C1orf167: variants seen among roughly 807,000 people sequenced by gnomAD.
C1orf167 encodes the protein uncharacterized protein C1orf167.
Under a neutral mutation model 176.5 loss-of-function variants are expected in C1orf167, and 153 were observed. The ratio of observed to expected loss-of-function variants is 0.87; its 90% CI spans 0.76 to 0.99. The LOEUF is 0.99. Ranked by LOEUF, C1orf167 falls within the 50% of genes least tolerant of loss-of-function variation. The pLI is 0.00. For synonymous variants in C1orf167, 594 were observed against 752.7 expected, an observed-to-expected ratio of 0.79 and a Z score of 3.45; for missense variants, 1,490 against 1,817.7, an observed-to-expected ratio of 0.82 and a Z score of 3.28.
chr1:11,768,901 G>A lies in C1orf167; in HGVS notation c.1543-72G>A, dbSNP rs1044822446. On this transcript the variant is annotated intron_variant, in intron 5 of 20. Coordinates refer to ENST00000688073, the MANE Select transcript of C1orf167 (RefSeq NM_001010881.2). The surrounding 1 kb of genome is among the most constrained non-coding windows in gnomAD (Gnocchi z 4.5). ...ATAGGCATGTGTTACTCCTGTCCCC[G>A]CCCCTGCCTGGTGTTCCCTTGGGAG... is the stretch of plus-strand genomic sequence containing the variant. The A allele has an allele frequency of 1.3e-4, 128 of 969,582 alleles. No individual in the cohort carries two copies. The African/African-American group carries it at 1.7e-3, about 13-fold the overall frequency. The allele number at this position is 969,582 out of a possible 1,614,324, so 60.1% of individuals were successfully genotyped here. A position where few individuals can be genotyped will look rare whatever the true frequency, so the allele number is the denominator to read the frequency against.
At chr1:11,781,821 A>G (rs1382415169) in intron 13 of C1orf167, among the ~76,000 whole-genome samples, 1 of 151,842 alleles carries the variant, frequency 6.6e-6, no homozygotes, top group Non-Finnish European at 1.5e-5. Flanking sequence ...GAGGCAGGAG[A>G]ATGGCATGAA....
Position 11,789,331 on chromosome 1 carries a change from GCCCAAGACCCTGGAGCAAGCCAGGC to G in C1orf167, c.4242_4266del (p.Pro1415AlafsTer32). 7.7e-7 allele frequency: 1 copy of G among 1,304,096 alleles called. No individual in the cohort carries two copies. 80.8% of individuals were successfully genotyped at this position (1,304,096 alleles called of 1,614,324 possible). A position where few individuals can be genotyped will look rare whatever the true frequency, so the allele number is the denominator to read the frequency against. On this transcript the variant is annotated frameshift_variant, in exon 21 of 21. Coordinates refer to ENST00000688073, the MANE Select transcript of C1orf167 (RefSeq NM_001010881.2). LOFTEE classifies it low-confidence loss of function (END_TRUNC). Reference sequence around the variant, plus strand: ...AGCCCAAGGAGAGGAGCTGCCAGTAGCCCAAGACCCTGGAGCAAGCCAGGCCCCAAGGGCCCCGAGAGTGGACAGG... The same window carrying G: ...AGCCCAAGGAGAGGAGCTGCCAGTAGCCCAAGGGCCCCGAGAGTGGACAGG...
At chr1:11,765,453 C>T (rs1465640731) in intron 2 of C1orf167, among the ~76,000 whole-genome samples, 1 of 152,142 alleles carries the variant, frequency 6.6e-6, no homozygotes, top group Non-Finnish European at 1.5e-5. Flanking sequence ...TTTGCTCAAG[C>T]CAGAAATCAA....
chr1:11,777,255 C>G (rs2100340976), intron 10 of C1orf167: 1 of 152,794 alleles, frequency 6.5e-6, no homozygotes, highest in African/African-American at 2.4e-5. Flanking sequence ...GAATTCGGAG[C>G]CCAGAAGAAG....
chr1:11,782,384 A>G, intron 14 of C1orf167, 51 bp downstream of exon 14: 1 of 1,169,482 alleles, frequency 8.6e-7, no homozygotes, highest in Non-Finnish European at 1.1e-6. Flanking sequence ...CGCAAGGAAT[A>G]GCAAGGAGAG....
At chr1:11,778,617 TG>T in intron 10 of C1orf167, 42 bp from the exon 11 acceptor site, 1 of 1,263,982 alleles carries the variant, frequency 7.9e-7, no homozygotes, top group Non-Finnish European at 1.0e-6. Flanking sequence ...CTGCACAGCC[TG>T]AGGGTGAGGC....
At position 11,768,433 on chromosome 1, in the gene C1orf167, G is replaced by A; in HGVS notation, c.1542+158G>A. 1 of 619,672 alleles carries A rather than the reference G, an allele frequency of 1.6e-6. No individual in the cohort carries two copies. The highest frequency in any genetic ancestry group is 2.4e-6 in the Non-Finnish European group (1 of 423,768). 38.4% of individuals were successfully genotyped at this position (619,672 alleles called of 1,614,324 possible). On this transcript the variant is annotated intron_variant, in intron 5 of 20. Transcript: ENST00000688073. The surrounding 1 kb of genome is among the most constrained non-coding windows in gnomAD (Gnocchi z 4.5). ...GTTGTGAGTCCACACACCTGAATCA[G>A]CTCTGCCTGAGTTCAAATCCTGCCC...
chr1:11,764,995 A>G (rs559863890), intron 2 of C1orf167, among the ~76,000 whole-genome samples: 1 of 126,776 alleles, frequency 7.9e-6, no homozygotes, highest in Non-Finnish European at 1.6e-5. Context: ...CGGAGGTTGT[A>G]GTGAGCCGAG....
intron 1 of C1orf167, 94 bp downstream of exon 1, chr1:11,762,399 G>C (rs1036617650): frequency 5.8e-6 from 2 of 344,388 alleles, no homozygotes; most frequent in Non-Finnish European, 1.2e-5. Flanking sequence ...GGACAGGGGT[G>C]GGGGTGGAGT....
At chr1:11,763,205 C>T (rs994848972) in intron 1 of C1orf167, among the ~76,000 whole-genome samples, 1 of 152,114 alleles carries the variant, frequency 6.6e-6, no homozygotes, top group Non-Finnish European at 1.5e-5. Flanking sequence ...TTTGGGAGGC[C>T]GAGGCGGGCC....
intron 8 of C1orf167, among the ~76,000 whole-genome samples, chr1:11,773,090 A>G (rs11804825): frequency 0.67 from 101,689 of 150,762 alleles, 35,095 homozygotes; most frequent in East Asian, 0.88. Flanking sequence ...TAGCAGAGTC[A>G]GGGTTTCACC....
At chr1:11,788,829 G>T in intron 20 of C1orf167, 83 bp downstream of exon 20, 1 of 1,201,496 alleles carries the variant, frequency 8.3e-7, no homozygotes, top group Non-Finnish European at 1.1e-6. Flanking sequence ...GCCACGCACC[G>T]TGGAGCTTTC....
chr1:11,768,340 C>A lies in C1orf167; in HGVS notation c.1542+65C>A. On this transcript the variant is annotated intron_variant, in intron 5 of 20. Transcript: ENST00000688073. This position sits in a 1 kb window ranked among gnomAD's most constrained non-coding sequence, Gnocchi z 4.5. ...CAGTGGTGTGTCTGGGGAGGAGACT[C>A]AGTCTACGGAGAGGACACCCACTGG... The A allele has an allele frequency of 8.0e-7, 1 of 1,253,668 alleles. No individual in the cohort carries two copies. The highest frequency in any genetic ancestry group is 1.0e-6 in the Non-Finnish European group (1 of 960,768). 77.7% of individuals were successfully genotyped at this position (1,253,668 alleles called of 1,614,324 possible). A position where few individuals can be genotyped will look rare whatever the true frequency, so the allele number is the denominator to read the frequency against.
chr1:11,781,042 C>T lies in C1orf167; in HGVS notation c.2860+1032C>T, dbSNP rs1309268901. On this transcript the variant is annotated intron_variant, in intron 13 of 20. Coordinates refer to ENST00000688073, the MANE Select transcript of C1orf167 (RefSeq NM_001010881.2). ...TTTTTGAGACGATCTCGCTGTGTTG[C>T]CCAGGCATGCAGTGGTGCGATCTTG... Among the ~76,000 whole-genome samples the T allele has an allele frequency of 4.2e-5, 5 of 120,304 alleles. No homozygotes were observed. The East Asian group carries it at 1.5e-3, about 36-fold the overall frequency. The allele number at this position is 120,304 out of a possible 152,430, so 78.9% of individuals were successfully genotyped here.
At position 11,766,021 on chromosome 1, in the gene C1orf167, G is replaced by T; in HGVS notation, c.235G>T (p.Gly79Cys). 7.8e-7 allele frequency: 1 copy of T among 1,289,808 alleles called. No homozygotes were observed. The allele number at this position is 1,289,808 out of a possible 1,614,324, so 79.9% of individuals were successfully genotyped here. The change falls in exon 3 of 21, where the codon GGT becomes TGT. Residue 79 changes from glycine to cysteine, a missense_variant. Transcript: ENST00000688073. This position sits in a 1 kb window ranked among gnomAD's most constrained non-coding sequence, Gnocchi z 4.5. ...AGTCCAGACCAACCTGGCCAGCCCTGGTCCCCGCCTGGGCCTAGCTCTGAA... is the reference window on the plus strand; with the variant it reads ...AGTCCAGACCAACCTGGCCAGCCCTTGTCCCCGCCTGGGCCTAGCTCTGAA... Reference protein sequence around the residue: ...CRVQTNLASPGPRLGLALKDT... With the variant: ...CRVQTNLASPCPRLGLALKDT...
At position 11,778,738 on chromosome 1, in the gene C1orf167, T is replaced by C. The variant is rs1338005783; in HGVS notation, c.2418T>C (p.Asp806=). The C allele has an allele frequency of 7.7e-7, 1 of 1,303,628 alleles. No individual in the cohort carries two copies. Among genetic ancestry groups the C allele is most frequent in the Non-Finnish European group, 1.0e-6 (1 of 988,708 alleles). 80.8% of individuals were successfully genotyped at this position (1,303,628 alleles called of 1,614,324 possible). A position where few individuals can be genotyped will look rare whatever the true frequency, so the allele number is the denominator to read the frequency against. ...RWWHLRALGP[D]ATSSCTKTPS... The stretch of plus-strand genomic sequence containing the variant: ...GGCACTTGAGGGCACTGGGCCCAGA[T>C]GCCACATCAAGCTGCACCAAGACCC... Residue 806 remains aspartate (D), a synonymous_variant, in exon 11 of 21, where the codon GAT becomes GAC. Coordinates refer to ENST00000688073, the MANE Select transcript of C1orf167 (RefSeq NM_001010881.2).
chr1:11,767,402 CCTGT>C, intron 4 of C1orf167, 138 bp downstream of exon 4: 1 of 726,694 alleles, frequency 1.4e-6, no homozygotes, highest in Non-Finnish European at 2.0e-6. Context: ...GAACTTACTA[CCTGT>C]CCCTGCTGGG....
At chr1:11,771,686 G>T in intron 7 of C1orf167, 50 bp downstream of exon 7, 1 of 1,226,620 alleles carries the variant, frequency 8.2e-7, no homozygotes, top group Non-Finnish European at 1.1e-6. Flanking sequence ...TGGCCACGCA[G>T]GGCCTGAGCT....
rs547644384 is a variant in C1orf167 at position 11,768,538 on chromosome 1, GGAT to G, written c.1542+273_1542+275del. On this transcript the variant is annotated intron_variant, in intron 5 of 20. Coordinates refer to ENST00000688073, the MANE Select transcript of C1orf167 (RefSeq NM_001010881.2). The surrounding 1 kb of genome is among the most constrained non-coding windows in gnomAD (Gnocchi z 4.5). Reference sequence around the variant, plus strand: ...CCCCAGTCTCTTTATCTCTAAAATGGGATGATGATGATAATAGAACATACCTCT... The same window carrying G: ...CCCCAGTCTCTTTATCTCTAAAATGGGATGATGATAATAGAACATACCTCT... Among the ~76,000 whole-genome samples, 64 of 152,238 alleles carry G rather than the reference GGAT, an allele frequency of 4.2e-4. 1 individual carries two copies. Among genetic ancestry groups the G allele is most frequent in the African/African-American group, 1.5e-3 (63 of 41,528 alleles).
Sources: allele counts gnomAD v4.1 joint callset (sites outside exome capture counted in the v4.1 genomes callset), GRCh38; gene constraint gnomAD v4.1.1; non-coding constraint Gnocchi (gnomAD v3.1); transcripts MANE v1.5; gene names NCBI Gene and HGNC (gene_info 2026-07-23, HGNC 2026-07-21).